The following MYH11 variants were observed in gnomAD, a reference collection of about 807,000 sequenced individuals.
MYH11 encodes myosin-11.
In MYH11, 80 loss-of-function variants were observed where a neutral mutation model predicts 246.6. That is an observed-to-expected ratio of 0.32 (90% CI 0.27 to 0.39). MYH11 has a LOEUF of 0.39. MYH11 is among the 10% of genes least tolerant of loss of function. The probability of loss-of-function intolerance (pLI) is 1.00; values close to 1 mark genes in which losing one functional copy is unlikely to be tolerated. For missense variants in MYH11, 2,158 were observed against 2,546.8 expected, an observed-to-expected ratio of 0.85 and a Z score of 3.29; for synonymous variants, 1,071 against 1,015.5, an observed-to-expected ratio of 1.05 and a Z score of -1.04.
At position 15,757,809 on chromosome 16, in the gene MYH11, C is replaced by T. The variant is rs1023561045; in HGVS notation, c.1575+18G>A. 25 of 1,614,030 alleles carry T rather than the reference C, an allele frequency of 1.5e-5. No individual in the cohort carries two copies. The highest frequency in any genetic ancestry group is 9.3e-5 in the African/African-American group (7 of 74,918). ...GTACAAGGTGTGACGGAGCCCCGCA[C>T]GCCCACGTGCCCCTCACCGGTCGCT... On this transcript the variant is annotated intron_variant, in intron 13 of 40. Coordinates refer to ENST00000300036, the MANE Select transcript of MYH11 (RefSeq NM_002474.3).
chr16:15,856,054 C>G (rs990049588), intron 1 of MYH11, among the ~76,000 whole-genome samples: 1 of 152,142 alleles, frequency 6.6e-6, no homozygotes, highest in South Asian at 2.1e-4. Flanking sequence ...CACTTTCTCT[C>G]GTTTTACCCA....
chr16:15,703,719 G>T lies in MYH11; in HGVS notation c.*272C>A. On this transcript the variant is annotated 3_prime_UTR_variant, in exon 41 of 41. Transcript: ENST00000300036. ...TCTTCCTGGCTCAGCCTCCCTAGTAGCTGGGACCACAGGTGTGTACCACCA... is the reference window on the plus strand; with the variant it reads ...TCTTCCTGGCTCAGCCTCCCTAGTATCTGGGACCACAGGTGTGTACCACCA... 1 of 475,938 alleles carries T rather than the reference G, an allele frequency of 2.1e-6. No individual in the cohort carries two copies. Among genetic ancestry groups the T allele is most frequent in the Non-Finnish European group, 3.9e-6 (1 of 259,060 alleles). 29.5% of individuals were successfully genotyped at this position (475,938 alleles called of 1,614,324 possible). A position where few individuals can be genotyped will look rare whatever the true frequency, so the allele number is the denominator to read the frequency against.
intron 40 of MYH11, among the ~76,000 whole-genome samples, chr16:15,706,002 A>T (rs1026312398): frequency 1.3e-5 from 2 of 150,986 alleles, no homozygotes; most frequent in East Asian, 3.9e-4. Context: ...AAAAAAAAAA[A>T]AAATCAAGGC....
chr16:15,804,356 T>C (rs1303679631), intron 3 of MYH11, among the ~76,000 whole-genome samples: 1 of 152,080 alleles, frequency 6.6e-6, no homozygotes, highest in African/African-American at 2.4e-5. Context: ...ACCCCGTCTC[T>C]ACCAAAAATA....
In MYH11 at chr16:15,849,779, T is replaced by C. The variant is rs1317097319; in HGVS notation, c.-18+7162A>G. Among the ~76,000 whole-genome samples the C allele has an allele frequency of 2.0e-5, 3 of 152,168 alleles. No individual in the cohort carries two copies. In the East Asian group the frequency reaches 5.8e-4, roughly 29 times the overall value. On this transcript the variant is annotated intron_variant, in intron 1 of 40. Coordinates refer to ENST00000300036, the MANE Select transcript of MYH11 (RefSeq NM_002474.3). ...CTTCATTTTTTGAGCACAAACAAGC[T>C]AATCATTAGCCTCTGGAAGACCTTA...
At chr16:15,785,379 G>A (rs2042444950) in intron 5 of MYH11, 1 of 152,024 alleles carries the variant, frequency 6.6e-6, no homozygotes, top group African/African-American at 2.4e-5. Context: ...TGGAAACTGT[G>A]TTTAAACTGC....
chr16:15,725,210 T>C (rs2040695557), intron 28 of MYH11: 1 of 613,158 alleles, frequency 1.6e-6, no homozygotes, highest in East Asian at 2.7e-5. Flanking sequence ...CACCTATGAG[T>C]TGGGACCCTG....
intron 3 of MYH11, among the ~76,000 whole-genome samples, chr16:15,805,001 A>G (rs75981655): frequency 0.02 from 2,987 of 152,186 alleles, 93 homozygotes; most frequent in African/African-American, 0.064. Context: ...GTACCTTTTC[A>G]ATTCTTCGGG....
intron 8 of MYH11, among the ~76,000 whole-genome samples, chr16:15,773,733 A>T (rs2042157989): frequency 6.6e-6 from 1 of 152,166 alleles, no homozygotes. Context: ...CTTTCTCACT[A>T]GGCAACAGAG....
intron 6 of MYH11, 41 bp from the exon 7 acceptor site, chr16:15,778,884 T>A: frequency 6.2e-7 from 1 of 1,600,376 alleles, no homozygotes. Flanking sequence ...GCTGCCCAAC[T>A]TCAGCCGTTA....
At chr16:15,746,039 C>T (rs768342993) in intron 19 of MYH11, among the ~76,000 whole-genome samples, 156 of 152,092 alleles carry the variant, frequency 1.0e-3, no homozygotes, top group Non-Finnish European at 2.0e-3. Flanking sequence ...GCCTCAGCCT[C>T]CCAAGTAGTT....
chr16:15,747,827 G>A (rs765603229), intron 18 of MYH11, 47 bp downstream of exon 18: 6 of 1,613,146 alleles, frequency 3.7e-6, no homozygotes, highest in Non-Finnish European at 5.1e-6. Context: ...GCAGCAGGTG[G>A]CTTGCGGCCA....
rs2041454061 is a variant in MYH11 at position 15,747,625 on chromosome 16, T to C, written c.2356A>G (p.Ile786Val). 2 of 1,614,030 alleles carry C rather than the reference T, an allele frequency of 1.2e-6. No homozygotes were observed. The highest frequency in any genetic ancestry group is 8.5e-7 in the Non-Finnish European group (1 of 1,179,992). ...AHLEEERDLK[I>V]TDVIMAFQAM... The stretch of plus-strand genomic sequence containing the variant: ...TGGAAGGCCATGATGACATCGGTGA[T>C]CTTCAAATCTCGCTCCTCCTCTAGG... The change falls in exon 19 of 41, where the codon ATC (isoleucine) becomes GTC (valine). Residue 786 changes from isoleucine to valine, a missense_variant. By Grantham distance (29) the Ile-to-Val change is conservative. Coordinates refer to ENST00000300036, the MANE Select transcript of MYH11 (RefSeq NM_002474.3).
Position 15,714,822 on chromosome 16 carries a change from G to A in MYH11, c.5786+87C>T. The A allele has an allele frequency of 5.3e-6, 8 of 1,506,544 alleles. 1 individual carries two copies. Among genetic ancestry groups the A allele is most frequent in the South Asian group, 3.4e-5 (3 of 88,944 alleles). 93.3% of individuals were successfully genotyped at this position (1,506,544 alleles called of 1,614,324 possible). A position where few individuals can be genotyped will look rare whatever the true frequency, so the allele number is the denominator to read the frequency against. On this transcript the variant is annotated intron_variant, in intron 40 of 40. Transcript: ENST00000300036. ...GGGAGTGGCGGCTGTGGGCACAAGG[G>A]GCATTTGCAGGCCGAAAGGAGCCCG...
chr16:15,834,916 T>TTG (rs2043851397), intron 2 of MYH11, among the ~76,000 whole-genome samples: 1 of 150,188 alleles, frequency 6.7e-6, no homozygotes, highest in African/African-American at 2.5e-5. Flanking sequence ...CAGAAGTTTT[T>TTG]TTTTTTTTTT....
At chr16:15,706,574 G>T (rs576282335) in intron 40 of MYH11, among the ~76,000 whole-genome samples, 1 of 152,216 alleles carries the variant, frequency 6.6e-6, no homozygotes, top group South Asian at 2.1e-4. Flanking sequence ...GTGCGTGGTG[G>T]CAGGCGCCTG....
At chr16:15,717,411 C>A in intron 37 of MYH11, 63 bp from the exon 38 acceptor site, 1 of 1,557,134 alleles carries the variant, frequency 6.4e-7, no homozygotes, top group Admixed American at 1.7e-5. Flanking sequence ...GCACTGAGAC[C>A]ATGCCTCTTC....
chr16:15,830,095 A>G (rs1378274445), intron 2 of MYH11, among the ~76,000 whole-genome samples: 5 of 151,212 alleles, frequency 3.3e-5, no homozygotes, highest in Non-Finnish European at 7.4e-5. Context: ...AGATTGTGCC[A>G]CTCCACTCCA....
intron 40 of MYH11, 109 bp from the exon 41 acceptor site, chr16:15,704,232 A>C: frequency 1.5e-6 from 2 of 1,349,806 alleles, no homozygotes; most frequent in Non-Finnish European, 2.0e-6. Context: ...TGCAATATAA[A>C]TTTTTTTTAT....
Sources: gnomAD v4.1 joint callset for allele counts (sites outside exome capture counted in the v4.1 genomes callset) on GRCh38, gnomAD v4.1.1 for gene constraint, MANE v1.5 for transcripts, NCBI Gene and HGNC (gene_info 2026-07-23, HGNC 2026-07-21) for gene names.